PCYOX1: variants seen among roughly 807,000 people sequenced by gnomAD.
PCYOX1 encodes prenylcysteine lyase.
A neutral mutation model predicts 46.4 loss-of-function variants in PCYOX1; 46 were observed. That is an observed-to-expected ratio of 0.99 (90% CI 0.78 to 1.27). The LOEUF is 1.27. PCYOX1 is among the 50% of genes most tolerant of loss of function. The probability of loss-of-function intolerance (pLI) is 0.00; values close to 1 mark genes in which losing one functional copy is unlikely to be tolerated. For synonymous variants in PCYOX1, 220 were observed against 231.8 expected, an observed-to-expected ratio of 0.95 and a Z score of 0.46; for missense variants, 658 against 628.3, an observed-to-expected ratio of 1.05 and a Z score of -0.51.
chr2:70,265,301 C>T (rs1279644822), intron 3 of PCYOX1, among the ~76,000 whole-genome samples: 1 of 149,954 alleles, frequency 6.7e-6, no homozygotes, highest in Non-Finnish European at 1.5e-5. Flanking sequence ...CTCCTGGTCT[C>T]AAGTCATCTT....
chr2:70,269,897 C>T (rs975807866), intron 3 of PCYOX1, among the ~76,000 whole-genome samples: 1 of 152,180 alleles, frequency 6.6e-6, no homozygotes, highest in African/African-American at 2.4e-5. Context: ...GCTACAAACT[C>T]GTTGTGTTCT....
Position 70,276,996 on chromosome 2 carries a change from T to C in PCYOX1, c.1122T>C (p.Asp374=), listed in dbSNP as rs754051133. 1 of 1,614,082 alleles carries C rather than the reference T, an allele frequency of 6.2e-7. No individual in the cohort carries two copies. Residue 374 remains aspartate (D), a synonymous_variant, in exon 6 of 6, where the codon GAT becomes GAC. Transcript: ENST00000433351. ...GCCTTAATACAGTTTTAACCACTGA[T>C]AATTCAGATTTGTTCATTAACAGTA... ...KFGLNTVLTT[D]NSDLFINSIG...
intron 3 of PCYOX1, among the ~76,000 whole-genome samples, chr2:70,270,055 T>C (rs1410276677): frequency 6.6e-6 from 1 of 151,816 alleles, no homozygotes. Flanking sequence ...AGTGCAATGG[T>C]GCGATCTTGG....
At position 70,275,679 on chromosome 2, in the gene PCYOX1, T is replaced by TTCTG. The variant is rs3841909; in HGVS notation, c.859+16_859+17insGTCT. The TTCTG allele has an allele frequency of 0.068, 109,544 of 1,611,092 alleles. 4,363 individuals are homozygous for TTCTG. The highest frequency in any genetic ancestry group is 0.19 in the East Asian group (8,534 of 44,832). ...ACCAAGTACACAGGTAAGCTTGAAT[T>TTCTG]TCTTATTGTTCCTGATATCCCCTGC... On this transcript the variant is annotated intron_variant, in intron 5 of 5. Coordinates refer to ENST00000433351, the MANE Select transcript of PCYOX1 (RefSeq NM_016297.4).
At position 70,279,493 on chromosome 2, in the gene PCYOX1, T is replaced by G. The variant is rs1192625623; in HGVS notation, c.*2101T>G. On this transcript the variant is annotated 3_prime_UTR_variant, in exon 6 of 6. Transcript: ENST00000433351. ...TTTTACTTATAATACCAATTTAGGC[T>G]GGGCGCAGTGGCTCACGCCTGTAAT... 1 of 152,228 alleles carries G rather than the reference T, an allele frequency of 6.6e-6. No individual in the cohort carries two copies. The highest frequency in any genetic ancestry group is 2.4e-5 in the African/African-American group (1 of 41,474). The allele number at this position is 152,228 out of a possible 1,614,324, so 9.4% of individuals were successfully genotyped here. A position where few individuals can be genotyped will look rare whatever the true frequency, so the allele number is the denominator to read the frequency against.
At chr2:70,263,936 G>C (rs181602794) in intron 3 of PCYOX1, among the ~76,000 whole-genome samples, 12 of 150,710 alleles carry the variant, frequency 8.0e-5, no homozygotes, top group African/African-American at 2.9e-4. Context: ...TGGGATTATA[G>C]GCGTGAGCCA....
chr2:70,262,616 A>G (rs919802471), intron 3 of PCYOX1, among the ~76,000 whole-genome samples: 1 of 150,274 alleles, frequency 6.7e-6, no homozygotes, highest in Non-Finnish European at 1.5e-5. Context: ...AATAGCTGGG[A>G]TTACAGGTGC....
chr2:70,263,691 G>C (rs1433961586), intron 3 of PCYOX1, among the ~76,000 whole-genome samples: 1 of 151,190 alleles, frequency 6.6e-6, no homozygotes, highest in Non-Finnish European at 1.5e-5. Context: ...ATAGAGTCTC[G>C]TTTTGTCGCC....
intron 3 of PCYOX1, among the ~76,000 whole-genome samples, chr2:70,267,198 G>A (rs540431285): frequency 4.0e-5 from 6 of 151,176 alleles, no homozygotes; most frequent in South Asian, 2.1e-4. Flanking sequence ...ACGGGGCGGC[G>A]GGGCAGAGGC....
At chr2:70,258,016 C>A (rs1210156154), upstream of PCYOX1, 2 of 527,486 alleles carry the variant, frequency 3.8e-6, no homozygotes, top group South Asian at 2.8e-5. Flanking sequence ...AGAGGACCGG[C>A]GGGGCGAGGT....
chr2:70,272,365 G>A lies in PCYOX1; in HGVS notation c.495-2594G>A, dbSNP rs530028654. Among the ~76,000 whole-genome samples, 12 of 152,180 alleles carry A rather than the reference G, an allele frequency of 7.9e-5. No homozygotes were observed. In the South Asian group the frequency reaches 1.0e-3, roughly 13 times the overall value. Reference sequence around the variant, plus strand: ...TGGTCTCAAACTCCTGACCTCAAGCGATCTGCCCGCCTCAGCCTCCCAAAG... The same window carrying A: ...TGGTCTCAAACTCCTGACCTCAAGCAATCTGCCCGCCTCAGCCTCCCAAAG... On this transcript the variant is annotated intron_variant, in intron 3 of 5. Transcript: ENST00000433351.
rs565202818 is a variant in PCYOX1, at chr2:70,271,460, C to G, written c.495-3499C>G. On this transcript the variant is annotated intron_variant, in intron 3 of 5. Transcript: ENST00000433351. ...GAGAATTTAAACGATTCCTCCAAAC[C>G]ATACATTTATAAATATTGTCATATT... Among the ~76,000 whole-genome samples, 8 of 152,018 alleles carry G rather than the reference C, an allele frequency of 5.3e-5. No homozygotes were observed. In the South Asian group the frequency reaches 1.7e-3, roughly 32 times the overall value.
intron 3 of PCYOX1, among the ~76,000 whole-genome samples, chr2:70,267,850 C>T (rs895360851): frequency 2.6e-5 from 4 of 152,040 alleles, no homozygotes; most frequent in Admixed American, 1.3e-4. Context: ...CTTGCTCTGT[C>T]ACCCAGGCTG....
At chr2:70,265,083 T>C (rs1696494018) in intron 3 of PCYOX1, among the ~76,000 whole-genome samples, 1 of 152,200 alleles carries the variant, frequency 6.6e-6, no homozygotes, top group African/African-American at 2.4e-5. Flanking sequence ...TTCTCTGCTG[T>C]TGGAGGTACT....
At chr2:70,266,901 C>T (rs12623300) in intron 3 of PCYOX1, among the ~76,000 whole-genome samples, 9,458 of 152,282 alleles carry the variant, frequency 0.062, 385 homozygotes, top group East Asian at 0.18. Flanking sequence ...ATCTCTCCTT[C>T]CTTTCCCCAC....
At chr2:70,270,877 A>G (rs1404097983) in intron 3 of PCYOX1, among the ~76,000 whole-genome samples, 1 of 151,448 alleles carries the variant, frequency 6.6e-6, no homozygotes, top group East Asian at 1.9e-4. Context: ...GTGCCACTGC[A>G]CCACTACGCC....
At position 70,267,505 on chromosome 2, in the gene PCYOX1, G is replaced by A. The variant is rs368761568; in HGVS notation, c.494+6119G>A. ...TGCACTCCAGCCTGGGCAACATTGAGCACTGAGTGAGCGACACTCCGTCTG... is the reference window on the plus strand; with the variant it reads ...TGCACTCCAGCCTGGGCAACATTGAACACTGAGTGAGCGACACTCCGTCTG... On this transcript the variant is annotated intron_variant, in intron 3 of 5. Transcript: ENST00000433351. Among the ~76,000 whole-genome samples the A allele has an allele frequency of 9.2e-5, 14 of 152,244 alleles. No individual in the cohort carries two copies. The East Asian group carries it at 2.1e-3, about 23-fold the overall frequency.
In PCYOX1 at chr2:70,270,593, C is replaced by T. The variant is rs182323395; in HGVS notation, c.495-4366C>T. Among the ~76,000 whole-genome samples, 33 of 152,304 alleles carry T rather than the reference C, an allele frequency of 2.2e-4. No homozygotes were observed. In the East Asian group the frequency reaches 3.7e-3, roughly 17 times the overall value. ...ACCTTTGCATTGCTTTTACCTCTACCGGAAATATTTTCCCCCAGGTGTTTG... is the reference window on the plus strand; with the variant it reads ...ACCTTTGCATTGCTTTTACCTCTACTGGAAATATTTTCCCCCAGGTGTTTG... On this transcript the variant is annotated intron_variant, in intron 3 of 5. Transcript: ENST00000433351.
In PCYOX1 at chr2:70,261,375, C is replaced by G. The variant is rs1163005636; in HGVS notation, c.483C>G (p.Asp161Glu). The G allele has an allele frequency of 6.2e-7, 1 of 1,607,966 alleles. No individual in the cohort carries two copies. Among genetic ancestry groups the G allele is most frequent in the African/African-American group, 1.3e-5 (1 of 74,750 alleles). The change falls in exon 3 of 6, where the codon GAC becomes GAG. Residue 161 changes from aspartate to glutamate, a missense_variant. Physicochemically the swap from Asp to Glu is conservative, Grantham distance 45 (BLOSUM62 2). Transcript: ENST00000433351. ...RMHMWVEDVL[D>E]KFMRIYRYQS... ...ACATGTGGGTAGAGGACGTGTTAGACAAGTTCATGAGGTAATTTTTTTTCC... is the reference window on the plus strand; with the variant it reads ...ACATGTGGGTAGAGGACGTGTTAGAGAAGTTCATGAGGTAATTTTTTTTCC...
Sources: allele counts gnomAD v4.1 joint callset (sites outside exome capture counted in the v4.1 genomes callset), GRCh38; gene constraint gnomAD v4.1.1; transcripts MANE v1.5; gene names NCBI Gene and HGNC (gene_info 2026-07-23, HGNC 2026-07-21).